The following SLC35F3 variants were observed in gnomAD, a reference collection of about 807,000 sequenced individuals.
The protein encoded by SLC35F3 is solute carrier family 35 member F3.
A neutral mutation model predicts 49.9 loss-of-function variants in SLC35F3; 25 were observed. The observed-to-expected ratio is 0.50, with a 90% CI of 0.37 to 0.70. The LOEUF (loss-of-function observed/expected upper bound fraction) is 0.70. SLC35F3 is among the 30% of genes least tolerant of loss of function. The pLI, the probability that SLC35F3 is intolerant of heterozygous loss-of-function variation, is 0.00. For synonymous variants in SLC35F3, 275 were observed against 265.4 expected, an observed-to-expected ratio of 1.04 and a Z score of -0.35; for missense variants, 525 against 639.8, an observed-to-expected ratio of 0.82 and a Z score of 1.94.
chr1:234,236,927 A>ATT (rs1667481753), intron 3 of SLC35F3, among the ~76,000 whole-genome samples: 1 of 16,970 alleles, frequency 5.9e-5, no homozygotes, highest in Non-Finnish European at 1.1e-4. Context: ...AAAAAAAATT[A>ATT]TATATATATA....
In SLC35F3 at chr1:234,302,585, G is replaced by C. The variant is rs372397608; in HGVS notation, c.609-6516G>C. Among the ~76,000 whole-genome samples, 5 of 152,276 alleles carry C rather than the reference G, an allele frequency of 3.3e-5. No individual in the cohort carries two copies. In the East Asian group the frequency reaches 5.8e-4, roughly 18 times the overall value. On this transcript the variant is annotated intron_variant, in intron 3 of 7. Coordinates refer to ENST00000366618, the MANE Select transcript of SLC35F3 (RefSeq NM_173508.4). Reference sequence around the variant, plus strand: ...ACAGGGGTATGTTAAAGTTGGAAAAGCTTAGACATGTTTAAATGGTGATGA... The same window carrying C: ...ACAGGGGTATGTTAAAGTTGGAAAACCTTAGACATGTTTAAATGGTGATGA...
intron 2 of SLC35F3, among the ~76,000 whole-genome samples, chr1:233,985,693 G>A (rs1472435527): frequency 3.9e-5 from 6 of 152,136 alleles, no homozygotes; most frequent in Non-Finnish European, 5.9e-5. Flanking sequence ...ACATTCTGGG[G>A]GTGCTTTATT....
At chr1:234,246,791 C>T (rs573243834) in intron 3 of SLC35F3, among the ~76,000 whole-genome samples, 1 of 152,362 alleles carries the variant, frequency 6.6e-6, no homozygotes, top group East Asian at 1.9e-4. Context: ...TAAGAAATCA[C>T]TCCCAGAAGT....
At chr1:234,007,257 G>A (rs535152067) in intron 2 of SLC35F3, among the ~76,000 whole-genome samples, 1 of 152,304 alleles carries the variant, frequency 6.6e-6, no homozygotes, top group South Asian at 2.1e-4. Flanking sequence ...GCAGGGAAAG[G>A]TGATTTGGAG....
chr1:233,956,021 G>A (rs1662695185), intron 2 of SLC35F3, among the ~76,000 whole-genome samples: 1 of 150,572 alleles, frequency 6.6e-6, no homozygotes, highest in Admixed American at 6.7e-5. Flanking sequence ...TCGAGTAGCT[G>A]GCATTATAGG....
chr1:234,225,843 C>G (rs1290017038), intron 2 of SLC35F3, among the ~76,000 whole-genome samples: 2 of 152,212 alleles, frequency 1.3e-5, no homozygotes, highest in Non-Finnish European at 2.9e-5. Flanking sequence ...GAATTCTCTT[C>G]AGGCATCAAA....
intron 2 of SLC35F3, among the ~76,000 whole-genome samples, chr1:234,077,500 T>C (rs1202369834): frequency 6.6e-6 from 1 of 152,142 alleles, no homozygotes; most frequent in Non-Finnish European, 1.5e-5. Context: ...GAGAACAGCA[T>C]GGGGGAAACC....
At chr1:234,236,607 T>C (rs1173231665) in intron 3 of SLC35F3, among the ~76,000 whole-genome samples, 2 of 151,904 alleles carry the variant, frequency 1.3e-5, no homozygotes, top group Non-Finnish European at 2.9e-5. Flanking sequence ...TAGGATGTAA[T>C]TGGGGTAAGG....
At chr1:234,016,966 A>G (rs1663810233) in intron 2 of SLC35F3, among the ~76,000 whole-genome samples, 1 of 152,148 alleles carries the variant, frequency 6.6e-6, no homozygotes, top group South Asian at 2.1e-4. Flanking sequence ...CTTGTCCCAA[A>G]CAGTTACTGG....
chr1:234,307,590 A>G (rs1657230343), intron 3 of SLC35F3, among the ~76,000 whole-genome samples: 1 of 152,148 alleles, frequency 6.6e-6, no homozygotes, highest in Non-Finnish European at 1.5e-5. Flanking sequence ...CTGCATTTTA[A>G]TATTAAGTGG....
At chr1:234,265,131 A>G (rs1283087401) in intron 3 of SLC35F3, among the ~76,000 whole-genome samples, 1 of 152,064 alleles carries the variant, frequency 6.6e-6, no homozygotes, top group Non-Finnish European at 1.5e-5. Context: ...GACCTCTTTC[A>G]TGAATTCCAA....
At chr1:233,943,620 A>T (rs1007993335) in intron 2 of SLC35F3, among the ~76,000 whole-genome samples, 2 of 152,240 alleles carry the variant, frequency 1.3e-5, no homozygotes, top group African/African-American at 4.8e-5. Flanking sequence ...CAACCCATTG[A>T]ATTTAAAAAT....
intron 2 of SLC35F3, among the ~76,000 whole-genome samples, chr1:234,192,186 A>G (rs1242759315): frequency 6.6e-6 from 1 of 152,216 alleles, no homozygotes; most frequent in Non-Finnish European, 1.5e-5. Flanking sequence ...TCTCTGATGA[A>G]CATAGATGCA....
intron 2 of SLC35F3, among the ~76,000 whole-genome samples, chr1:234,088,682 G>T (rs528222042): frequency 1.3e-5 from 2 of 152,226 alleles, no homozygotes; most frequent in South Asian, 2.1e-4. Context: ...ATGTTGTGGG[G>T]GCTGACAAAG....
intron 2 of SLC35F3, among the ~76,000 whole-genome samples, chr1:234,226,942 C>T (rs1286018306): frequency 1.3e-5 from 2 of 148,848 alleles, no homozygotes; most frequent in Non-Finnish European, 3.0e-5. Flanking sequence ...TCCCCCTGCA[C>T]TGGCGTGCGC....
chr1:233,993,290 G>T (rs1315955899), intron 2 of SLC35F3, among the ~76,000 whole-genome samples: 1 of 152,066 alleles, frequency 6.6e-6, no homozygotes, highest in Admixed American at 6.5e-5. Context: ...TGAGCTCTCA[G>T]TGAGCATGAG....
At chr1:234,251,480 A>AAC (rs1215416650) in intron 3 of SLC35F3, among the ~76,000 whole-genome samples, 9 of 148,736 alleles carry the variant, frequency 6.1e-5, no homozygotes, top group Non-Finnish European at 7.5e-5. Flanking sequence ...AAAAAAAAAA[A>AAC]ACACACACAC....
chr1:233,927,516 G>A (rs374804784), intron 2 of SLC35F3, among the ~76,000 whole-genome samples: 21 of 152,094 alleles, frequency 1.4e-4, no homozygotes, highest in East Asian at 1.4e-3. Flanking sequence ...AAAAATTTCC[G>A]TCCATTTTAC....
intron 4 of SLC35F3, among the ~76,000 whole-genome samples, chr1:234,315,413 A>T (rs508186): frequency 0.34 from 51,720 of 152,010 alleles, 8,946 homozygotes; most frequent in East Asian, 0.54. Context: ...TGAATCATGC[A>T]TTCCTGTTTA....
Sources: allele counts gnomAD v4.1 joint callset (sites outside exome capture counted in the v4.1 genomes callset), GRCh38; gene constraint gnomAD v4.1.1; transcripts MANE v1.5; gene names NCBI Gene and HGNC (gene_info 2026-07-23, HGNC 2026-07-21).